Variants in UGT1A6 observed in about 807,000 individuals in gnomAD.
UGT1A6 encodes UDP glucuronosyltransferase family 1 member A6, also known as UDP-glucuronosyltransferase 1A6.
In UGT1A6, 32 loss-of-function variants were observed where a neutral mutation model predicts 44.4. The ratio of observed to expected loss-of-function variants is 0.72; its 90% confidence interval spans 0.54 to 0.97. The LOEUF is 0.97. UGT1A6 is among the 50% of genes least tolerant of loss of function. UGT1A6 has a pLI of 0.00. For missense variants in UGT1A6, 685 were observed against 661.9 expected (o/e 1.03, Z -0.38); for synonymous variants, 238 against 248.5 (o/e 0.96, Z 0.40).
At chr2:233,743,943 G>A in intron 1 of UGT1A6, 2 of 1,352,238 alleles carry the variant, frequency 1.5e-6, no homozygotes, top group Non-Finnish European at 9.9e-7. Flanking sequence ...GGCCCACCAG[G>A]CACTGGCACA....
At chr2:233,755,071 G>A (rs775333434) in intron 1 of UGT1A6, 133 of 1,336,342 alleles carry the variant, frequency 1.0e-4, no homozygotes, top group Non-Finnish European at 1.3e-4. Context: ...TCGCCATAGC[G>A]GTCATAGATA....
intron 1 of UGT1A6, 29 bp from the exon 2 acceptor site, chr2:233,767,005 T>A: frequency 1.2e-6 from 2 of 1,613,726 alleles, no homozygotes; most frequent in Non-Finnish European, 1.7e-6. Flanking sequence ...TGAGAAAAAA[T>A]TAACTGAAAA....
In UGT1A6 at chr2:233,757,558, ATATG is replaced by A. The variant is rs1023713263; in HGVS notation, c.862-9472_862-9469del. Among the ~76,000 whole-genome samples, 45 of 124,442 alleles carry A rather than the reference ATATG, an allele frequency of 3.6e-4. 2 individuals are homozygous for A. The highest frequency in any genetic ancestry group is 1.4e-3 in the African/African-American group (42 of 30,270). 81.6% of individuals were successfully genotyped at this position (124,442 alleles called of 152,430 possible). On this transcript the variant is annotated intron_variant, in intron 1 of 4. Coordinates refer to ENST00000305139, the MANE Select transcript of UGT1A6 (RefSeq NM_001072.4). ...GGAATATATATATATATATATATAT[ATATG>A]TATATATGATATAGCTATAGTCTAA...
chr2:233,746,054 T>C (rs1380596465), intron 1 of UGT1A6, among the ~76,000 whole-genome samples: 1 of 151,656 alleles, frequency 6.6e-6, no homozygotes, highest in Non-Finnish European at 1.5e-5. Flanking sequence ...ATGCAGGGTC[T>C]AGAACGAAAA....
intron 1 of UGT1A6, chr2:233,755,181 C>G: frequency 8.3e-7 from 1 of 1,205,566 alleles, no homozygotes. Context: ...GTCGGGGTGC[C>G]ACTTGAGCGC....
intron 1 of UGT1A6, chr2:233,739,149 C>T (rs912480643): frequency 6.6e-6 from 1 of 152,208 alleles, no homozygotes; most frequent in African/African-American, 2.4e-5. Context: ...TGGGAACCTC[C>T]ACATAAATTT....
intron 1 of UGT1A6, chr2:233,754,910 C>A: frequency 7.4e-7 from 1 of 1,353,942 alleles, no homozygotes; most frequent in African/African-American, 1.5e-5. Flanking sequence ...CCAAAATATT[C>A]TCCAGCGGGT....
chr2:233,760,508 A>G (rs983416663), intron 1 of UGT1A6: 1 of 1,614,272 alleles, frequency 6.2e-7, no homozygotes, highest in Non-Finnish European at 8.5e-7. Flanking sequence ...GGAGCATTTT[A>G]CACCTTGAAG....
At position 233,767,254 on chromosome 2, in the gene UGT1A6, G is replaced by A. The variant is rs35359603; in HGVS notation, c.993+89G>A. The A allele has an allele frequency of 2.3e-4, 374 of 1,598,070 alleles. 1 individual carries two copies. In the African/African-American group the frequency reaches 4.6e-3, roughly 20 times the overall value. ...AGCTTCCAGATTAATTCTCTTAATTGGAACCTTAGATTTGGCTTTTCCCTG... is the reference window on the plus strand; with the variant it reads ...AGCTTCCAGATTAATTCTCTTAATTAGAACCTTAGATTTGGCTTTTCCCTG... On this transcript the variant is annotated intron_variant, in intron 2 of 4. Transcript: ENST00000305139.
chr2:233,696,160 A>T (rs912176284), intron 1 of UGT1A6, among the ~76,000 whole-genome samples: 1 of 152,238 alleles, frequency 6.6e-6, no homozygotes, highest in African/African-American at 2.4e-5. Flanking sequence ...TATATCCAAA[A>T]GAAAAAAATA....
chr2:233,698,597 G>A (rs966031058), intron 1 of UGT1A6, among the ~76,000 whole-genome samples: 17 of 152,070 alleles, frequency 1.1e-4, no homozygotes, highest in African/African-American at 3.1e-4. Context: ...CAAGAAATTC[G>A]GATTAATAAA....
At chr2:233,717,649 C>G in intron 1 of UGT1A6, 1 of 403,118 alleles carries the variant, frequency 2.5e-6, no homozygotes, top group East Asian at 7.2e-5. Context: ...GCGACCAGGA[C>G]AAGGAAGCAT....
At chr2:233,749,107 C>T (rs2125896789) in intron 1 of UGT1A6, among the ~76,000 whole-genome samples, 1 of 151,856 alleles carries the variant, frequency 6.6e-6, no homozygotes, top group Non-Finnish European at 1.5e-5. Flanking sequence ...GAGAATTCAG[C>T]CTTTTTATGT....
intron 1 of UGT1A6, chr2:233,747,691 T>G (rs1693753923): frequency 1.2e-6 from 2 of 1,611,090 alleles, no homozygotes; most frequent in Non-Finnish European, 1.7e-6. Context: ...TGTGGGGCAG[T>G]GCTGGCTAAG....
intron 1 of UGT1A6, among the ~76,000 whole-genome samples, chr2:233,724,281 C>A (rs1325936815): frequency 1.8e-5 from 2 of 112,012 alleles, no homozygotes; most frequent in Non-Finnish European, 1.8e-5. Flanking sequence ...GCTGGCCGGG[C>A]GGGGGGCTGA....
chr2:233,758,057 A>G (rs1435615594), intron 1 of UGT1A6, among the ~76,000 whole-genome samples: 1 of 151,980 alleles, frequency 6.6e-6, no homozygotes, highest in Non-Finnish European at 1.5e-5. Context: ...ACCATTTCTA[A>G]CTTGACTTTC....
intron 1 of UGT1A6, among the ~76,000 whole-genome samples, chr2:233,694,343 T>A (rs1046388830): frequency 1.3e-5 from 2 of 152,038 alleles, no homozygotes; most frequent in Admixed American, 6.5e-5. Flanking sequence ...TGTTTTTATA[T>A]GGCCCAGAGC....
At chr2:233,721,960 C>T (rs1451442722) in intron 1 of UGT1A6, 10 of 313,544 alleles carry the variant, frequency 3.2e-5, no homozygotes, top group South Asian at 1.1e-4. Context: ...TTTGTATATG[C>T]ATACATTGAT....
chr2:233,724,527 T>C (rs2077276576), intron 1 of UGT1A6, among the ~76,000 whole-genome samples: 1 of 105,076 alleles, frequency 9.5e-6, no homozygotes, highest in Non-Finnish European at 1.9e-5. Flanking sequence ...AGATGGGGTC[T>C]CGCCGGGCAG....
Sources: gnomAD v4.1 joint callset for allele counts (sites outside exome capture counted in the v4.1 genomes callset) on GRCh38, gnomAD v4.1.1 for gene constraint, MANE v1.5 for transcripts, NCBI Gene and HGNC (gene_info 2026-07-23, HGNC 2026-07-21) for gene names.